Variants in RIT2 observed in about 807,000 individuals in gnomAD.
RIT2 encodes Ras like without CAAX 2, also known as GTP-binding protein Rit2.
Under a neutral mutation model 23.7 loss-of-function variants are expected in RIT2, and 24 were observed. That is an observed-to-expected ratio of 1.01 (90% CI 0.73 to 1.43). The LOEUF (loss-of-function observed/expected upper bound fraction) is 1.43. RIT2 is among the 40% of genes most tolerant of loss of function. The pLI is 0.00. For missense variants in RIT2, 236 were observed against 266.9 expected (o/e 0.88, Z 0.81); for synonymous variants, 107 against 91.1 (o/e 1.17, Z -0.99).
At chr18:42,778,413 T>A (rs1913727657) in intron 4 of RIT2, among the ~76,000 whole-genome samples, 1 of 152,214 alleles carries the variant, frequency 6.6e-6, no homozygotes, top group Non-Finnish European at 1.5e-5. Flanking sequence ...TCTTAACATA[T>A]GTTTGCTAAT....
At chr18:43,101,754 A>G (rs1051790102) in intron 1 of RIT2, among the ~76,000 whole-genome samples, 2 of 152,198 alleles carry the variant, frequency 1.3e-5, no homozygotes, top group Admixed American at 6.5e-5. Context: ...AATGTTTTCA[A>G]TTTGCTTTTC....
chr18:42,885,446 C>A (rs1289346067), intron 4 of RIT2, among the ~76,000 whole-genome samples: 3 of 151,966 alleles, frequency 2.0e-5, no homozygotes, highest in Non-Finnish European at 4.4e-5. Context: ...ATTAGCCAGG[C>A]GTGGTGGCGG....
chr18:42,805,123 T>C (rs1008646921), intron 4 of RIT2, among the ~76,000 whole-genome samples: 4 of 152,234 alleles, frequency 2.6e-5, no homozygotes, highest in Non-Finnish European at 5.9e-5. Flanking sequence ...TTTTACCATA[T>C]TAAAAACTAA....
chr18:43,007,795 A>G (rs1486372661), intron 2 of RIT2, among the ~76,000 whole-genome samples: 1 of 151,774 alleles, frequency 6.6e-6, no homozygotes, highest in African/African-American at 2.4e-5. Flanking sequence ...ACTGGTAAAT[A>G]ATGGAAAGAC....
chr18:42,808,834 A>T (rs1233075936), intron 4 of RIT2, among the ~76,000 whole-genome samples: 1 of 152,210 alleles, frequency 6.6e-6, no homozygotes, highest in African/African-American at 2.4e-5. Context: ...GAATATAATT[A>T]TACTGTTCTA....
chr18:42,965,711 C>CTTTTTTT (rs58344278), intron 3 of RIT2, among the ~76,000 whole-genome samples: 5 of 37,782 alleles, frequency 1.3e-4, no homozygotes, highest in African/African-American at 1.9e-4. Flanking sequence ...GTACTGATGG[C>CTTTTTTT]TTTTTTTTTT....
chr18:42,914,989 G>A (rs1238442192), intron 4 of RIT2, among the ~76,000 whole-genome samples: 1 of 100,586 alleles, frequency 9.9e-6, no homozygotes, highest in African/African-American at 3.7e-5. Flanking sequence ...CCCTAAGCAT[G>A]TGGTTGAGTT....
chr18:42,882,770 T>C (rs555943120), intron 4 of RIT2, among the ~76,000 whole-genome samples: 2 of 152,298 alleles, frequency 1.3e-5, no homozygotes, highest in South Asian at 4.1e-4. Flanking sequence ...ATGTTAAGAA[T>C]GGAGCTCTAT....
intron 4 of RIT2, among the ~76,000 whole-genome samples, chr18:42,764,521 C>T (rs191677795): frequency 3.5e-4 from 54 of 152,156 alleles, no homozygotes; most frequent in African/African-American, 8.9e-4. Flanking sequence ...AGGGACATAC[C>T]CCATCTCTTG....
intron 4 of RIT2, among the ~76,000 whole-genome samples, chr18:42,833,892 T>G (rs1181359385): frequency 6.6e-6 from 1 of 152,146 alleles, no homozygotes; most frequent in African/African-American, 2.4e-5. Context: ...ACACTCTTCC[T>G]GTGGTGAAAA....
intron 4 of RIT2, among the ~76,000 whole-genome samples, chr18:42,840,839 C>T (rs1466692898): frequency 6.6e-6 from 1 of 152,194 alleles, no homozygotes; most frequent in Admixed American, 6.5e-5. Context: ...GATATCATTC[C>T]TAAATGGGGT....
intron 4 of RIT2, among the ~76,000 whole-genome samples, chr18:42,747,993 A>T (rs1215407319): frequency 6.6e-6 from 1 of 152,128 alleles, no homozygotes; most frequent in African/African-American, 2.4e-5. Flanking sequence ...AGACTTCATA[A>T]GCAAGAACCC....
intron 4 of RIT2, among the ~76,000 whole-genome samples, chr18:42,886,251 A>C (rs1288324139): frequency 6.6e-6 from 1 of 152,242 alleles, no homozygotes; most frequent in Non-Finnish European, 1.5e-5. Context: ...AATCTTCATC[A>C]GACAACAGAG....
chr18:43,070,687 G>A (rs1280352357), intron 1 of RIT2, among the ~76,000 whole-genome samples: 2 of 152,158 alleles, frequency 1.3e-5, no homozygotes, highest in African/African-American at 4.8e-5. Context: ...TTCATTAAGT[G>A]CATCAGCTAT....
At chr18:42,921,478 G>A (rs555970661) in intron 4 of RIT2, among the ~76,000 whole-genome samples, 63 of 152,178 alleles carry the variant, frequency 4.1e-4, no homozygotes, top group African/African-American at 1.4e-3. Context: ...AATCTGAAAG[G>A]AGCAGCTAAT....
At chr18:42,777,135 A>T (rs1288863992) in intron 4 of RIT2, among the ~76,000 whole-genome samples, 1 of 152,092 alleles carries the variant, frequency 6.6e-6, no homozygotes, top group Admixed American at 6.6e-5. Context: ...ATAATGTGCT[A>T]TTTACTGAGA....
chr18:42,929,447 T>C (rs1272990458), intron 3 of RIT2, among the ~76,000 whole-genome samples: 3 of 152,030 alleles, frequency 2.0e-5, no homozygotes, highest in African/African-American at 4.8e-5. Context: ...CTGTAGAAAA[T>C]GGTTCTTGTG....
chr18:42,896,470 G>T (rs938307643), intron 4 of RIT2, among the ~76,000 whole-genome samples: 1 of 152,064 alleles, frequency 6.6e-6, no homozygotes, highest in Non-Finnish European at 1.5e-5. Context: ...TGCTCATCAC[G>T]TTTTGAAAGA....
intron 4 of RIT2, among the ~76,000 whole-genome samples, chr18:42,803,639 C>A (rs2048556070): frequency 6.6e-6 from 1 of 152,108 alleles, no homozygotes; most frequent in Non-Finnish European, 1.5e-5. Context: ...GGCAACTCCA[C>A]CTAATTTAAG....
Sources: allele counts gnomAD v4.1 joint callset (sites outside exome capture counted in the v4.1 genomes callset), GRCh38; gene constraint gnomAD v4.1.1; transcripts MANE v1.5; gene names NCBI Gene and HGNC (gene_info 2026-07-23, HGNC 2026-07-21).